Variants in VSIG4 observed in about 807,000 individuals in gnomAD.
The protein encoded by VSIG4 is V-set and immunoglobulin domain containing 4, also known as V-set and immunoglobulin domain-containing protein 4.
Under a neutral mutation model 23.4 loss-of-function variants are expected in VSIG4, and 34 were observed. The ratio of observed to expected loss-of-function variants is 1.45; its 90% CI spans 1.10 to 1.93. The LOEUF is 1.93. Among genes scored for constraint, VSIG4 ranks in the 30% most tolerant of loss-of-function variants. The probability of loss-of-function intolerance (pLI) is 0.00; values close to 1 mark genes in which losing one functional copy is unlikely to be tolerated. For synonymous variants in VSIG4, 169 were observed against 120.3 expected (o/e 1.41, Z -2.65); for missense variants, 433 against 310.8 (o/e 1.39, Z -2.96).
intron 1 of VSIG4, among the ~76,000 whole-genome samples, chrX:66,038,981 G>C (rs2085652658): frequency 9.0e-6 from 1 of 111,552 alleles, no homozygotes; most frequent in South Asian, 3.7e-4. Flanking sequence ...TGTTACCCAG[G>C]TTGAGTTTCC....
intron 1 of VSIG4, among the ~76,000 whole-genome samples, chrX:66,036,796 A>C (rs1304128074): frequency 2.5e-5 from 1 of 39,660 alleles, no homozygotes; most frequent in East Asian, 1.0e-3. Flanking sequence ...ATATAATATA[A>C]TATATTATAT....
chrX:66,036,772 T>A (rs867994614), intron 1 of VSIG4, among the ~76,000 whole-genome samples: 3 of 40,396 alleles, frequency 7.4e-5, no homozygotes, highest in African/African-American at 1.3e-4. Context: ...ATAATATATA[T>A]TATATTATAT....
chrX:66,039,924 G>A lies in VSIG4; in HGVS notation c.55+20C>T, dbSNP rs753121096. The A allele has an allele frequency of 9.1e-6, 11 of 1,208,809 alleles. No homozygotes were observed. The African/African-American group carries it at 1.9e-4, about 21-fold the overall frequency. ...TTGCCTAAGCCAGCAATGGCAGCCAGGCCCCCCTTTCTGCCTTACCATAAG... is the reference window on the plus strand; with the variant it reads ...TTGCCTAAGCCAGCAATGGCAGCCAAGCCCCCCTTTCTGCCTTACCATAAG... On this transcript the variant is annotated intron_variant, in intron 1 of 7. Coordinates refer to ENST00000374737, the MANE Select transcript of VSIG4 (RefSeq NM_007268.3).
intron 1 of VSIG4, among the ~76,000 whole-genome samples, chrX:66,037,518 T>C (rs1319386575): frequency 7.5e-5 from 5 of 66,287 alleles, no homozygotes; most frequent in Non-Finnish European, 1.3e-4. Flanking sequence ...ATAATAATAA[T>C]ATAATATAAT....
At chrX:66,036,665 TA>T (rs1392625400) in intron 1 of VSIG4, among the ~76,000 whole-genome samples, 5 of 68,335 alleles carry the variant, frequency 7.3e-5, no homozygotes, top group African/African-American at 2.3e-4. Context: ...ATATATAATA[TA>T]ATATAATATA....
chrX:66,033,775 C>A lies in VSIG4; in HGVS notation c.111G>T (p.Val37=), dbSNP rs1258702818. ...GGGGGTCATAGGTGCAGGGAAGATT[C>A]ACATCCCCTTTCCAAGGTCCTGTTA... ...ESVTGPWKGD[V]NLPCTYDPLQ... is the part of the protein sequence containing the mutation. Residue 37 remains valine, a synonymous_variant, in exon 2 of 8, where the codon GTG becomes GTT. Coordinates refer to ENST00000374737, the MANE Select transcript of VSIG4 (RefSeq NM_007268.3). The A allele has an allele frequency of 6.6e-6, 8 of 1,211,141 alleles. No individual in the cohort carries two copies. The highest frequency in any genetic ancestry group is 8.9e-6 in the Non-Finnish European group (8 of 895,268).
rs778448581 is a variant in VSIG4, at chrX:66,023,231, C to T, written c.941-369G>A. Among the ~76,000 whole-genome samples the T allele has an allele frequency of 1.7e-4, 19 of 109,466 alleles. 1 individual carries two copies. The Admixed American group carries it at 1.8e-3, about 11-fold the overall frequency. ...CCTTGTGGGAAACTTGACTGTCAGGCCACATACCAGGAAGAAGGGACTGGA... is the reference window on the plus strand; with the variant it reads ...CCTTGTGGGAAACTTGACTGTCAGGTCACATACCAGGAAGAAGGGACTGGA... On this transcript the variant is annotated intron_variant, in intron 6 of 7. Transcript: ENST00000374737.
At chrX:66,024,599 A>T (rs2085368403) in intron 6 of VSIG4, among the ~76,000 whole-genome samples, 1 of 111,517 alleles carries the variant, frequency 9.0e-6, no homozygotes, top group Admixed American at 9.5e-5. Context: ...CCAAGCCTTA[A>T]ATTACTCTCT....
Position 66,033,849 on chromosome X carries a change from G to A in VSIG4, c.56-19C>T. On this transcript the variant is annotated intron_variant, in intron 1 of 7. Coordinates refer to ENST00000374737, the MANE Select transcript of VSIG4 (RefSeq NM_007268.3). ...GGACGGCCTGAAGAGGCGGAACAGAGGAAAGAAGCAAACGTAGATGGCATA... is the reference window on the plus strand; with the variant it reads ...GGACGGCCTGAAGAGGCGGAACAGAAGAAAGAAGCAAACGTAGATGGCATA... 1 of 1,158,058 alleles carries A rather than the reference G, an allele frequency of 8.6e-7. No individual in the cohort carries two copies. The highest frequency in any genetic ancestry group is 1.2e-6 in the Non-Finnish European group (1 of 858,020).
rs1429050759 is a variant in VSIG4, at chrX:66,022,500, C to T, written c.963G>A (p.Arg321=). Residue 321 remains arginine (R), a splice_region_variant and synonymous_variant, in exon 8 of 8, where the codon AGG becomes AGA. Transcript: ENST00000374737. The part of the protein sequence containing the change: ...SQQEHVYEAA[R]AHAREANDSG... ...AGTCGTTGGCCTCTCTGGCATGTGCCCTATGGCCCAAGAGCCCACCACCCA... is the reference window on the plus strand; with the variant it reads ...AGTCGTTGGCCTCTCTGGCATGTGCTCTATGGCCCAAGAGCCCACCACCCA... 5.0e-6 allele frequency: 6 copies of T among 1,210,887 alleles called. No individual in the cohort carries two copies. Among genetic ancestry groups the T allele is most frequent in the Non-Finnish European group, 6.7e-6 (6 of 895,238 alleles).
Position 66,027,522 on chromosome X carries a change from T to A in VSIG4, c.762A>T (p.Thr254=). The A allele has an allele frequency of 8.4e-7, 1 of 1,190,649 alleles. No homozygotes were observed. The highest frequency in any genetic ancestry group is 1.1e-6 in the Non-Finnish European group (1 of 880,959). Residue 254 remains threonine (T), a synonymous_variant, in exon 5 of 8, where the codon ACA becomes ACT. Coordinates refer to ENST00000374737, the MANE Select transcript of VSIG4 (RefSeq NM_007268.3). ...AGTCCCAGGACTGCTTCACTGTAGA[T>A]GTTGCTATGAATATAGAGAATAGGG... The part of the protein sequence containing the change: ...PTTMTYPLKA[T]STVKQSWDWT...
intron 6 of VSIG4, among the ~76,000 whole-genome samples, chrX:66,023,077 C>T (rs2085351392): frequency 9.0e-6 from 1 of 110,619 alleles, no homozygotes; most frequent in Non-Finnish European, 1.9e-5. Flanking sequence ...CACATTTGGT[C>T]ACTATCCTTT....
At chrX:66,024,928 A>C in intron 6 of VSIG4, 97 bp downstream of exon 6, 1 of 590,199 alleles carries the variant, frequency 1.7e-6, no homozygotes, top group Admixed American at 4.7e-5. Context: ...GAGCTTCTTG[A>C]AGTGCCTAAC....
At chrX:66,031,370 G>A in intron 3 of VSIG4, among the ~76,000 whole-genome samples, 1 of 109,432 alleles carries the variant, frequency 9.1e-6, no homozygotes. Flanking sequence ...TTTCAGGGCG[G>A]ACCACTCTTG....
At chrX:66,031,347 C>T (rs1390706065) in intron 3 of VSIG4, among the ~76,000 whole-genome samples, 1 of 109,802 alleles carries the variant, frequency 9.1e-6, no homozygotes, top group East Asian at 2.9e-4. Context: ...AACTGGGACA[C>T]TGTTCATATA....
chrX:66,028,871 G>C (rs913390211), intron 3 of VSIG4, among the ~76,000 whole-genome samples: 6 of 111,280 alleles, frequency 5.4e-5, no homozygotes, highest in African/African-American at 1.6e-4. Flanking sequence ...AGTGCTAAGA[G>C]CCTCTCCCCA....
At chrX:66,032,435 T>C in intron 3 of VSIG4, 33 bp downstream of exon 3, 1 of 1,194,497 alleles carries the variant, frequency 8.4e-7, no homozygotes, top group Non-Finnish European at 1.1e-6. Flanking sequence ...AGCTTGTGTG[T>C]TAAGATGCTC....
intron 1 of VSIG4, among the ~76,000 whole-genome samples, chrX:66,037,031 A>ATATAATATATC (rs2085584021): frequency 3.5e-5 from 1 of 28,310 alleles, no homozygotes; most frequent in Non-Finnish European, 5.9e-5. Context: ...TATAATATAT[A>ATATAATATATC]ATGTAATATA....
Position 66,022,270 on chromosome X carries a change from A to G in VSIG4, c.1193T>C (p.Val398Ala). The G allele has an allele frequency of 1.7e-6, 2 of 1,211,993 alleles. No homozygotes were observed. The highest frequency in any genetic ancestry group is 2.2e-6 in the Non-Finnish European group (2 of 895,523). ...YEFLATEGKSVC is the reference protein window; with the variant it reads ...YEFLATEGKSAC ...TGGCCTAATGGGGCATTTTTAACAG[A>G]CACTTTTGCCCTCAGTGGCCAGAAA... Residue 398 changes from valine to alanine, a missense_variant, in exon 8 of 8, where the codon GTC (valine) becomes GCC (alanine). Physicochemically the swap from Val to Ala is moderately conservative, Grantham distance 64 (BLOSUM62 0). Coordinates refer to ENST00000374737, the MANE Select transcript of VSIG4 (RefSeq NM_007268.3).
Sources: allele counts gnomAD v4.1 joint callset (sites outside exome capture counted in the v4.1 genomes callset), GRCh38; gene constraint gnomAD v4.1.1; transcripts MANE v1.5; gene names NCBI Gene and HGNC (gene_info 2026-07-23, HGNC 2026-07-21).